Variants in CLIC4 observed in about 807,000 individuals in gnomAD.
CLIC4 encodes the protein chloride intracellular channel protein 4.
Under a neutral mutation model 24.6 loss-of-function variants are expected in CLIC4, and 13 were observed. That is an observed-to-expected ratio of 0.53 (90% confidence interval 0.34 to 0.84). The LOEUF (loss-of-function observed/expected upper bound fraction) is 0.84. Among genes scored for constraint, CLIC4 ranks in the 40% least tolerant of loss-of-function variants. The probability of loss-of-function intolerance (pLI) is 0.01; values close to 1 mark genes in which losing one functional copy is unlikely to be tolerated. For missense variants in CLIC4, 227 were observed against 301.7 expected (o/e 0.75, Z 1.83); for synonymous variants, 104 against 111.3 (o/e 0.93, Z 0.41).
At position 24,761,366 on chromosome 1, in the gene CLIC4, C is replaced by G. The variant is rs561055990; in HGVS notation, c.72+15741C>G. On this transcript the variant is annotated intron_variant, in intron 1 of 5. Transcript: ENST00000374379. ...ACTTGAGAAAGAATGGCAGGAAACC[C>G]AATTTAGATGGAGGCTCAGTGAGAG... Among the ~76,000 whole-genome samples the G allele has an allele frequency of 4.6e-5, 7 of 152,126 alleles. No individual in the cohort carries two copies. In the South Asian group the frequency reaches 1.5e-3, roughly 32 times the overall value.
At chr1:24,792,051 T>TA (rs61493384) in intron 1 of CLIC4, among the ~76,000 whole-genome samples, 9 of 129,852 alleles carry the variant, frequency 6.9e-5, no homozygotes, top group African/African-American at 2.3e-4. Context: ...TCCACCTAAT[T>TA]AAAAAAAAAA....
At chr1:24,807,057 A>G (rs1353552999) in intron 2 of CLIC4, among the ~76,000 whole-genome samples, 1 of 152,080 alleles carries the variant, frequency 6.6e-6, no homozygotes, top group Non-Finnish European at 1.5e-5. Flanking sequence ...AGCTACTTGC[A>G]GCTGAGGATC....
chr1:24,807,969 A>G (rs1340518004), intron 2 of CLIC4, among the ~76,000 whole-genome samples: 1 of 126,850 alleles, frequency 7.9e-6, no homozygotes, highest in Non-Finnish European at 1.7e-5. Flanking sequence ...TTTTTTTTTG[A>G]GATGGAATTT....
intron 1 of CLIC4, among the ~76,000 whole-genome samples, chr1:24,791,673 C>T (rs952370976): frequency 5.9e-5 from 9 of 151,904 alleles, no homozygotes; most frequent in East Asian, 5.8e-4. Flanking sequence ...GTCAGGAGTT[C>T]GAGACCAGCC....
chr1:24,799,174 G>T (rs1265145657), intron 2 of CLIC4, among the ~76,000 whole-genome samples: 2 of 151,352 alleles, frequency 1.3e-5, no homozygotes, highest in Non-Finnish European at 3.0e-5. Flanking sequence ...GTCTCCGCCT[G>T]GCCGCCATCC....
At chr1:24,826,677 G>T (rs1024184324) in intron 3 of CLIC4, among the ~76,000 whole-genome samples, 3 of 152,212 alleles carry the variant, frequency 2.0e-5, no homozygotes, top group African/African-American at 7.2e-5. Context: ...GGACAGCACT[G>T]CTCTAGCAAT....
chr1:24,788,970 G>A (rs1350935981), intron 1 of CLIC4, among the ~76,000 whole-genome samples: 2 of 152,182 alleles, frequency 1.3e-5, no homozygotes, highest in East Asian at 3.9e-4. Context: ...TGCCAGCAAA[G>A]GCTGAATTGG....
chr1:24,829,186 TTTACCACCTA>T (rs1311487313), intron 4 of CLIC4, among the ~76,000 whole-genome samples: 3 of 152,200 alleles, frequency 2.0e-5, no homozygotes, highest in African/African-American at 7.2e-5. Context: ...TCTGATTAGT[TTTACCACCTA>T]TTAAATATTT....
chr1:24,767,706 G>C (rs1166403083), intron 1 of CLIC4, among the ~76,000 whole-genome samples: 1 of 152,010 alleles, frequency 6.6e-6, no homozygotes, highest in Non-Finnish European at 1.5e-5. Context: ...CATTAGTAGT[G>C]AGAATGTTTT....
Position 24,773,716 on chromosome 1 carries a change from C to T in CLIC4, c.73-24026C>T, listed in dbSNP as rs532667372. Among the ~76,000 whole-genome samples, 22 of 149,460 alleles carry T rather than the reference C, an allele frequency of 1.5e-4. 1 individual carries two copies. In the South Asian group the frequency reaches 4.6e-3, roughly 31 times the overall value. On this transcript the variant is annotated intron_variant, in intron 1 of 5. Coordinates refer to ENST00000374379, the MANE Select transcript of CLIC4 (RefSeq NM_013943.3). ...GGCTCAAGTGATCCTCCTGCTTAAG[C>T]CTTCTGAGTAGCTAGGACTAAAGGT...
chr1:24,816,069 C>T (rs1256502188), intron 3 of CLIC4, among the ~76,000 whole-genome samples: 1 of 152,064 alleles, frequency 6.6e-6, no homozygotes, highest in Non-Finnish European at 1.5e-5. Flanking sequence ...TTTCAGGCTC[C>T]AGTTCTAATT....
intron 1 of CLIC4, 45 bp downstream of exon 1, chr1:24,745,670 C>T: frequency 6.7e-7 from 1 of 1,485,748 alleles, no homozygotes. Flanking sequence ...CCCCCGGCTC[C>T]CTCCCGGCTG....
At chr1:24,807,277 G>T (rs1200105838) in intron 2 of CLIC4, among the ~76,000 whole-genome samples, 3 of 142,410 alleles carry the variant, frequency 2.1e-5, no homozygotes, top group Non-Finnish European at 4.6e-5. Flanking sequence ...CTTTGGGTTT[G>T]TTTTTTTTTT....
chr1:24,821,437 TTTTTC>T (rs1380394704), intron 3 of CLIC4, among the ~76,000 whole-genome samples: 1 of 152,216 alleles, frequency 6.6e-6, no homozygotes, highest in Non-Finnish European at 1.5e-5. Context: ...AGAGATGGTC[TTTTTC>T]ATTCAGTTTA....
intron 2 of CLIC4, among the ~76,000 whole-genome samples, chr1:24,807,050 T>G (rs1248535516): frequency 6.6e-6 from 1 of 152,032 alleles, no homozygotes; most frequent in Non-Finnish European, 1.5e-5. Flanking sequence ...TAGTCCCAGC[T>G]ACTTGCAGCT....
intron 1 of CLIC4, among the ~76,000 whole-genome samples, chr1:24,774,560 G>A (rs1639108489): frequency 1.3e-5 from 2 of 151,968 alleles, no homozygotes; most frequent in Admixed American, 1.3e-4. Context: ...TTGGGAGGCT[G>A]AAGTGGAAGA....
intron 2 of CLIC4, among the ~76,000 whole-genome samples, chr1:24,803,695 A>G (rs1226398694): frequency 2.0e-5 from 3 of 152,224 alleles, no homozygotes; most frequent in Admixed American, 1.3e-4. Context: ...TTCAGATAAT[A>G]TAAGTGAAAA....
Position 24,839,924 on chromosome 1 carries a change from T to C in CLIC4, c.480T>C (p.Pro160=). The C allele has an allele frequency of 6.2e-7, 1 of 1,613,244 alleles. No homozygotes were observed. Among genetic ancestry groups the C allele is most frequent in the South Asian group, 1.1e-5 (1 of 91,034 alleles). ...KLDEYLNSPL[P]DEIDENSMED... is the part of the protein sequence containing the mutation. ...ATGAATATCTGAATTCTCCTCTCCC[T>C]GATGAAATTGATGAAAATAGTATGG... Residue 160 remains proline (P), a synonymous_variant, in exon 5 of 6, where the codon CCT becomes CCC. Coordinates refer to ENST00000374379, the MANE Select transcript of CLIC4 (RefSeq NM_013943.3).
chr1:24,750,687 A>G (rs1638763443), intron 1 of CLIC4, among the ~76,000 whole-genome samples: 1 of 151,996 alleles, frequency 6.6e-6, no homozygotes, highest in Non-Finnish European at 1.5e-5. Flanking sequence ...TTCTAATCCA[A>G]TATGTCCAGT....
Sources: allele counts gnomAD v4.1 joint callset (sites outside exome capture counted in the v4.1 genomes callset), GRCh38; gene constraint gnomAD v4.1.1; transcripts MANE v1.5; gene names NCBI Gene and HGNC (gene_info 2026-07-23, HGNC 2026-07-21).